GRM5: variants seen among roughly 807,000 people sequenced by gnomAD.
The protein encoded by GRM5 is glutamate metabotropic receptor 5.
In GRM5, 19 loss-of-function variants were observed where a neutral mutation model predicts 83.1. The observed-to-expected ratio is 0.23, with a 90% CI of 0.16 to 0.34. GRM5 has a LOEUF of 0.34. Ranked by LOEUF, GRM5 falls within the 10% of genes least tolerant of loss-of-function variation. GRM5 has a pLI of 1.00. For synonymous variants in GRM5, 675 were observed against 633.6 expected, an observed-to-expected ratio of 1.07 and a Z score of -0.98; for missense variants, 1,160 against 1,588.3, an observed-to-expected ratio of 0.73 and a Z score of 4.58.
chr11:88,924,620 G>T (rs2135634673), intron 2 of GRM5, among the ~76,000 whole-genome samples: 1 of 152,062 alleles, frequency 6.6e-6, no homozygotes, highest in Non-Finnish European at 1.5e-5. Flanking sequence ...TATGGAAACA[G>T]AAAGTAGAAC....
intron 2 of GRM5, among the ~76,000 whole-genome samples, chr11:89,026,357 A>G (rs2135117661): frequency 6.6e-6 from 1 of 152,344 alleles, no homozygotes; most frequent in Non-Finnish European, 1.5e-5. Context: ...TAGAAAATTT[A>G]ATGTGAAACT....
chr11:88,976,035 G>A (rs981883633), intron 2 of GRM5, among the ~76,000 whole-genome samples: 1 of 152,162 alleles, frequency 6.6e-6, no homozygotes, highest in Admixed American at 6.5e-5. Context: ...CTAGCACATG[G>A]CTGCTTGTGA....
chr11:88,920,822 T>A (rs1224231267), intron 2 of GRM5, among the ~76,000 whole-genome samples: 2 of 152,166 alleles, frequency 1.3e-5, no homozygotes, highest in East Asian at 3.8e-4. Context: ...TCAACCCTTG[T>A]TCTCTGAGAG....
intron 3 of GRM5, among the ~76,000 whole-genome samples, chr11:88,694,143 T>C (rs534992612): frequency 5.6e-4 from 85 of 152,342 alleles, no homozygotes; most frequent in African/African-American, 1.9e-3. Flanking sequence ...ACCAGCATAA[T>C]TGAGCATGGG....
intron 3 of GRM5, among the ~76,000 whole-genome samples, chr11:88,828,780 G>C (rs899884479): frequency 6.6e-6 from 1 of 151,886 alleles, no homozygotes; most frequent in Non-Finnish European, 1.5e-5. Context: ...TATTAAATAA[G>C]AATTTTGAAT....
At chr11:88,929,348 T>C in intron 2 of GRM5, among the ~76,000 whole-genome samples, 1 of 152,134 alleles carries the variant, frequency 6.6e-6, no homozygotes, top group Non-Finnish European at 1.5e-5. Context: ...ATTAACAACA[T>C]ACAATTTACT....
intron 2 of GRM5, among the ~76,000 whole-genome samples, chr11:88,904,840 A>G (rs1945376842): frequency 6.6e-6 from 1 of 152,200 alleles, no homozygotes; most frequent in African/African-American, 2.4e-5. Context: ...ATACCATTCA[A>G]TTCACCGCAG....
chr11:88,967,830 T>C (rs1451100546), intron 2 of GRM5, among the ~76,000 whole-genome samples: 3 of 152,056 alleles, frequency 2.0e-5, no homozygotes, highest in African/African-American at 7.2e-5. Context: ...AAAAGGCAGC[T>C]TCTATGGAAG....
At chr11:88,886,960 G>A (rs1265991352) in intron 2 of GRM5, among the ~76,000 whole-genome samples, 1 of 152,154 alleles carries the variant, frequency 6.6e-6, no homozygotes, top group Non-Finnish European at 1.5e-5. Flanking sequence ...CCCTTGGTCT[G>A]AAAAGCACAT....
intron 7 of GRM5, among the ~76,000 whole-genome samples, chr11:88,582,025 C>A (rs767484772): frequency 3.3e-5 from 5 of 152,176 alleles, no homozygotes; most frequent in Non-Finnish European, 7.3e-5. Context: ...CCCATCCTAG[C>A]ACTTTCTTTC....
chr11:88,587,836 C>T (rs995086584), intron 7 of GRM5, among the ~76,000 whole-genome samples: 1 of 152,138 alleles, frequency 6.6e-6, no homozygotes, highest in African/African-American at 2.4e-5. Flanking sequence ...TCCTCAATGA[C>T]TTACCACTTC....
At chr11:88,685,410 G>A (rs889449371) in intron 3 of GRM5, among the ~76,000 whole-genome samples, 1 of 152,204 alleles carries the variant, frequency 6.6e-6, no homozygotes, top group Admixed American at 6.5e-5. Flanking sequence ...GGGAAGCAGA[G>A]TGTAAAGGTT....
rs868605674 is a variant in GRM5, at chr11:88,989,857, A to C, written c.661+57355T>G. ...TACCAGAATCTCTGGGACGCATTCA[A>C]AGCAGTGCTTTGAGGGAAATTTATA... On this transcript the variant is annotated intron_variant, in intron 2 of 9. Transcript: ENST00000305447. Among the ~76,000 whole-genome samples, 43 of 152,092 alleles carry C rather than the reference A, an allele frequency of 2.8e-4. No individual in the cohort carries two copies. In the Middle Eastern group the frequency reaches 0.01, roughly 36 times the overall value.
In GRM5 at chr11:88,670,484, T is replaced by C. The variant is rs953338877; in HGVS notation, c.912-17081A>G. ...AATTAGGAGAAGATCTTGTAGTGTGTGTGTATGTGTGTGTGTGTGTTGTGT... is the reference window on the plus strand; with the variant it reads ...AATTAGGAGAAGATCTTGTAGTGTGCGTGTATGTGTGTGTGTGTGTTGTGT... On this transcript the variant is annotated intron_variant, in intron 3 of 9. Coordinates refer to ENST00000305447, the MANE Select transcript of GRM5 (RefSeq NM_001143831.3). Among the ~76,000 whole-genome samples the C allele has an allele frequency of 1.3e-5, 2 of 151,870 alleles. 1 individual carries two copies. Among genetic ancestry groups the C allele is most frequent in the Admixed American group, 1.3e-4 (2 of 15,182 alleles).
intron 2 of GRM5, among the ~76,000 whole-genome samples, chr11:88,957,411 T>C (rs1269241677): frequency 6.6e-6 from 1 of 152,188 alleles, no homozygotes; most frequent in African/African-American, 2.4e-5. Context: ...TTTAGAGTGC[T>C]GAAGCATTAA....
In GRM5 at chr11:88,960,357, C is replaced by A. The variant is rs544105227; in HGVS notation, c.661+86855G>T. Among the ~76,000 whole-genome samples the A allele has an allele frequency of 2.0e-5, 3 of 151,964 alleles. No individual in the cohort carries two copies. In the East Asian group the frequency reaches 5.8e-4, roughly 29 times the overall value. On this transcript the variant is annotated intron_variant, in intron 2 of 9. Coordinates refer to ENST00000305447, the MANE Select transcript of GRM5 (RefSeq NM_001143831.3). ...AGTACTTTATATAAGCTTGTGTCAT[C>A]CTCACAAAAAAAAAACTATGAAGTA... is the stretch of plus-strand genomic sequence containing the variant.
At chr11:88,539,892 A>G (rs1254921869) in intron 8 of GRM5, among the ~76,000 whole-genome samples, 1 of 152,144 alleles carries the variant, frequency 6.6e-6, no homozygotes, top group Non-Finnish European at 1.5e-5. Flanking sequence ...CTCTTCCTTC[A>G]TACCAATTAT....
intron 3 of GRM5, among the ~76,000 whole-genome samples, chr11:88,747,071 G>A (rs184075587): frequency 1.6e-4 from 25 of 152,182 alleles, no homozygotes; most frequent in Admixed American, 6.5e-4. Flanking sequence ...AAGACACCCC[G>A]TTATCCAATT....
intron 2 of GRM5, among the ~76,000 whole-genome samples, chr11:88,982,777 T>C (rs1215171036): frequency 1.3e-5 from 2 of 152,210 alleles, no homozygotes; most frequent in Non-Finnish European, 2.9e-5. Flanking sequence ...CCATCTTATA[T>C]AGAAGTTGGC....
Sources: gnomAD v4.1 joint callset for allele counts (sites outside exome capture counted in the v4.1 genomes callset) on GRCh38, gnomAD v4.1.1 for gene constraint, MANE v1.5 for transcripts, NCBI Gene and HGNC (gene_info 2026-07-23, HGNC 2026-07-21) for gene names.